CADM2: variants seen among roughly 807,000 people sequenced by gnomAD.
CADM2 encodes the protein immunoglobulin superfamily member 4D.
Under a neutral mutation model 49.8 loss-of-function variants are expected in CADM2, and 12 were observed. The observed-to-expected ratio is 0.24, with a 90% CI of 0.15 to 0.39. CADM2 has a LOEUF of 0.39. Ranked by LOEUF, CADM2 falls within the 10% of genes least tolerant of loss-of-function variation. CADM2 has a pLI of 1.00. For synonymous variants in CADM2, 214 were observed against 175.4 expected (o/e 1.22, Z -1.74); for missense variants, 378 against 492.3 (o/e 0.77, Z 2.20).
chr3:84,992,317 T>C (rs985597751), intron 1 of CADM2, among the ~76,000 whole-genome samples: 2 of 152,258 alleles, frequency 1.3e-5, no homozygotes, highest in Non-Finnish European at 2.9e-5. Flanking sequence ...ACATTAAAAA[T>C]AAAGCCTTTG....
At chr3:85,208,157 G>A (rs1162213298) in intron 1 of CADM2, among the ~76,000 whole-genome samples, 1 of 152,142 alleles carries the variant, frequency 6.6e-6, no homozygotes, top group African/African-American at 2.4e-5. Flanking sequence ...TTATTGATAT[G>A]ATTGAGTTTT....
intron 3 of CADM2, among the ~76,000 whole-genome samples, chr3:85,850,191 C>T (rs890543541): frequency 5.3e-5 from 8 of 151,910 alleles, no homozygotes; most frequent in Non-Finnish European, 1.2e-4. Flanking sequence ...CTTAAAAGGG[C>T]CGAAAGGATT....
chr3:86,024,206 C>G (rs1270997859), intron 8 of CADM2, among the ~76,000 whole-genome samples: 7 of 152,184 alleles, frequency 4.6e-5, no homozygotes, highest in Non-Finnish European at 7.3e-5. Flanking sequence ...CCATAGTAGG[C>G]TGACCCCTTT....
intron 1 of CADM2, among the ~76,000 whole-genome samples, chr3:85,595,907 C>T (rs62250540): frequency 0.51 from 77,864 of 151,568 alleles, 23,009 homozygotes; most frequent in East Asian, 0.85. Flanking sequence ...ATATTAAATA[C>T]CAAATAATAA....
intron 1 of CADM2, among the ~76,000 whole-genome samples, chr3:84,992,937 T>C (rs1484219747): frequency 6.6e-6 from 1 of 152,192 alleles, no homozygotes; most frequent in African/African-American, 2.4e-5. Flanking sequence ...CCCTGTAATT[T>C]AAGTTGATTC....
intron 3 of CADM2, among the ~76,000 whole-genome samples, chr3:85,880,266 T>C (rs2108381093): frequency 6.6e-6 from 1 of 152,304 alleles, no homozygotes; most frequent in East Asian, 1.9e-4. Context: ...CTATCCACTT[T>C]TTTTCTTGTC....
chr3:85,630,430 A>G (rs1239912566), intron 1 of CADM2, among the ~76,000 whole-genome samples: 4 of 152,026 alleles, frequency 2.6e-5, no homozygotes, highest in Admixed American at 1.3e-4. Flanking sequence ...TTACCTGGCA[A>G]TACTGCCATC....
intron 8 of CADM2, 23 bp downstream of exon 8, chr3:85,961,670 T>G: frequency 1.3e-6 from 2 of 1,499,522 alleles, no homozygotes; most frequent in Non-Finnish European, 1.8e-6. Flanking sequence ...TGGAAAACAT[T>G]ATATGTGAAA....
chr3:85,571,359 G>C (rs2062468864), intron 1 of CADM2, among the ~76,000 whole-genome samples: 1 of 151,554 alleles, frequency 6.6e-6, no homozygotes, highest in South Asian at 2.1e-4. Context: ...ATAGAATTAT[G>C]ACCTTAGAAT....
intron 1 of CADM2, among the ~76,000 whole-genome samples, chr3:85,407,193 C>A (rs1422521199): frequency 6.6e-6 from 1 of 152,030 alleles, no homozygotes; most frequent in Non-Finnish European, 1.5e-5. Flanking sequence ...CAGAGAAAGA[C>A]CCTGACTCAA....
intron 1 of CADM2, among the ~76,000 whole-genome samples, chr3:85,436,107 C>T (rs1054164251): frequency 3.9e-5 from 6 of 151,982 alleles, no homozygotes; most frequent in Non-Finnish European, 7.4e-5. Context: ...ATGCCTGTGT[C>T]CTGAATGTTC....
At chr3:86,012,120 A>C (rs892487166) in intron 8 of CADM2, among the ~76,000 whole-genome samples, 8 of 152,224 alleles carry the variant, frequency 5.3e-5, no homozygotes, top group Admixed American at 3.9e-4. Context: ...CATTCTGTTA[A>C]ATACATATGC....
chr3:85,484,433 T>G (rs17022871), intron 1 of CADM2, among the ~76,000 whole-genome samples: 2,912 of 152,056 alleles, frequency 0.019, 133 homozygotes, highest in South Asian at 0.1. Context: ...CAACACCTCA[T>G]GTCTACAGTG....
intron 8 of CADM2, chr3:86,014,065 A>G: frequency 7.7e-7 from 1 of 1,306,392 alleles, no homozygotes; most frequent in Non-Finnish European, 1.0e-6. Context: ...GTTCTTTTTC[A>G]CAACGGTTAA....
At chr3:85,595,953 A>G (rs2063228529) in intron 1 of CADM2, among the ~76,000 whole-genome samples, 1 of 151,938 alleles carries the variant, frequency 6.6e-6, no homozygotes, top group Non-Finnish European at 1.5e-5. Flanking sequence ...TGTTACCAAC[A>G]ATGGACTTGG....
intron 1 of CADM2, among the ~76,000 whole-genome samples, chr3:85,521,282 A>G (rs1450259569): frequency 4.6e-5 from 7 of 152,152 alleles, no homozygotes; most frequent in Admixed American, 4.6e-4. Flanking sequence ...ATTTTAGGCA[A>G]ATCCATTATA....
At position 85,478,885 on chromosome 3, in the gene CADM2, C is replaced by T. The variant is rs951623246; in HGVS notation, c.62-247637C>T. On this transcript the variant is annotated intron_variant, in intron 1 of 9. Coordinates refer to ENST00000383699, the MANE Select transcript of CADM2 (RefSeq NM_001167675.2). ...CATGCTGTATGCTATGTGTTTTAAA[C>T]ATTTATCAGTTACTCCTTTGATGAC... Among the ~76,000 whole-genome samples, 20 of 151,896 alleles carry T rather than the reference C, an allele frequency of 1.3e-4. 1 individual carries two copies. Among genetic ancestry groups the T allele is most frequent in the African/African-American group, 4.8e-4 (20 of 41,396 alleles).
chr3:85,963,663 A>T (rs1725120163), intron 8 of CADM2, among the ~76,000 whole-genome samples: 1 of 151,894 alleles, frequency 6.6e-6, no homozygotes, highest in African/African-American at 2.4e-5. Flanking sequence ...ATATACCTAA[A>T]TGAAAAGTAT....
Position 85,623,275 on chromosome 3 carries a change from C to T in CADM2, c.62-103247C>T, listed in dbSNP as rs113101092. 3.9e-3 allele frequency among the ~76,000 whole-genome samples: 595 copies of T among 152,244 alleles called. 3 individuals carry two copies. Among genetic ancestry groups the T allele is most frequent in the African/African-American group, 0.013 (532 of 41,556 alleles). ...TTTCTAGATGGTATTAATCTCATGG[C>T]ATTTGATAATCACCTTGTTTATATT... is the stretch of plus-strand genomic sequence containing the variant. On this transcript the variant is annotated intron_variant, in intron 1 of 9. Transcript: ENST00000383699.
Sources: allele counts gnomAD v4.1 joint callset (sites outside exome capture counted in the v4.1 genomes callset), GRCh38; gene constraint gnomAD v4.1.1; transcripts MANE v1.5; gene names NCBI Gene and HGNC (gene_info 2026-07-23, HGNC 2026-07-21).